TNFRSF1A: variants seen among roughly 807,000 people sequenced by gnomAD.
TNFRSF1A encodes TNF receptor superfamily member 1A.
Under a neutral mutation model 41.6 loss-of-function variants are expected in TNFRSF1A, and 9 were observed. The observed-to-expected ratio is 0.22, with a 90% CI of 0.13 to 0.38. TNFRSF1A has a LOEUF of 0.38. Among genes scored for constraint, TNFRSF1A ranks in the 10% least tolerant of loss-of-function variants. TNFRSF1A has a pLI of 1.00. For synonymous variants in TNFRSF1A, 254 were observed against 248.6 expected, an observed-to-expected ratio of 1.02 and a Z score of -0.21; for missense variants, 463 against 591.5, an observed-to-expected ratio of 0.78 and a Z score of 2.25.
rs1319776286 is a variant in TNFRSF1A at position 6,330,086 on chromosome 12, G to T, written c.769-20C>A. ...CTCCCCCTGAAAGAGAGAAGGTGGCGCAGCATTAGTGCGGCAGCGAAAACC... is the reference window on the plus strand; with the variant it reads ...CTCCCCCTGAAAGAGAGAAGGTGGCTCAGCATTAGTGCGGCAGCGAAAACC... On this transcript the variant is annotated intron_variant, in intron 8 of 9. Coordinates refer to ENST00000162749, the MANE Select transcript of TNFRSF1A (RefSeq NM_001065.4). The T allele has an allele frequency of 6.2e-7, 1 of 1,612,670 alleles. No individual in the cohort carries two copies.
At chr12:6,336,827 G>A (rs1948127100) in intron 1 of TNFRSF1A, among the ~76,000 whole-genome samples, 1 of 152,204 alleles carries the variant, frequency 6.6e-6, no homozygotes, top group African/African-American at 2.4e-5. Context: ...GTCCCAGCAG[G>A]AAGCAAGCCA....
chr12:6,330,028 T>G lies in TNFRSF1A; in HGVS notation c.807A>C (p.Pro269=). 1 of 1,612,350 alleles carries G rather than the reference T, an allele frequency of 6.2e-7. No homozygotes were observed. The highest frequency in any genetic ancestry group is 1.3e-5 in the African/African-American group (1 of 74,974). The change falls in exon 9 of 10, where the codon CCA becomes CCC. Residue 269 remains proline, a synonymous_variant. Transcript: ENST00000162749. ...CTGGAGTGGGACTGAAGCTTGGGTT[T>G]GGGGCCAGGGGCTTAGTAGTAGTTC... The part of the protein sequence containing the change: ...LEGTTTKPLA[P]NPSFSPTPGF...
At position 6,333,454 on chromosome 12, in the gene TNFRSF1A, T is replaced by C; in HGVS notation, c.385A>G (p.Lys129Glu). The change falls in exon 4 of 10, where the codon AAG becomes GAG. Residue 129 changes from lysine (K) to glutamate (E), a missense_variant. Around this residue, in one of 4 missense-constraint regions of TNFRSF1A, gnomAD observed 149 missense variants for 239.4 expected, o/e 0.62. Coordinates refer to ENST00000162749, the MANE Select transcript of TNFRSF1A (RefSeq NM_001065.4). This position sits in a 1 kb window ranked among gnomAD's most constrained non-coding sequence, Gnocchi z 6.3. ...VDRDTVCGCR[K>E]NQYRHYWSEN... is the part of the protein sequence containing the mutation. The stretch of plus-strand genomic sequence containing the variant: ...CTCCAATAATGCCGGTACTGGTTCT[T>C]CCTGCAGCCACACACGGTGTCCCGG... 1 of 1,614,120 alleles carries C rather than the reference T, an allele frequency of 6.2e-7. No homozygotes were observed. Among genetic ancestry groups the C allele is most frequent in the Non-Finnish European group, 8.5e-7 (1 of 1,179,996 alleles).
In TNFRSF1A at chr12:6,328,884, G is replaced by A. The variant is rs1947979857; in HGVS notation, c.*428C>T. The A allele has an allele frequency of 5.8e-6, 1 of 172,742 alleles. No homozygotes were observed. Among genetic ancestry groups the A allele is most frequent in the African/African-American group, 2.4e-5 (1 of 42,342 alleles). 10.7% of individuals were successfully genotyped at this position (172,742 alleles called of 1,614,324 possible). A position where few individuals can be genotyped will look rare whatever the true frequency, so the allele number is the denominator to read the frequency against. On this transcript the variant is annotated 3_prime_UTR_variant, in exon 10 of 10. Transcript: ENST00000162749. ...GTTCAGCTTGCTATGTGCTTGTCCA[G>A]GCAGAGGGCACAGGAGTGCCAAGTT... is the stretch of plus-strand genomic sequence containing the variant.
rs759949685 is a variant in TNFRSF1A at position 6,329,522 on chromosome 12, A to T, written c.1158T>A (p.Asp386Glu). The T allele has an allele frequency of 6.3e-7, 1 of 1,595,010 alleles. No homozygotes were observed. The highest frequency in any genetic ancestry group is 1.3e-5 in the African/African-American group (1 of 74,746). The change falls in exon 10 of 10, where the codon GAT becomes GAA. Residue 386 changes from aspartate to glutamate, a missense_variant. By Grantham distance (45) the Asp-to-Glu change is conservative. This residue lies in a region of TNFRSF1A where 277 missense variants were observed against 288.8 expected (regional missense o/e 0.96). Transcript: ENST00000162749. ...AGCGCCCGTTCTGCAGCTCCAGCCG[A>T]TCGATCTCGTGGTCGCTCAGCCCTA... ...RRLGLSDHEI[D>E]RLELQNGRCL...
Position 6,331,005 on chromosome 12 carries a change from A to G in TNFRSF1A, c.552-79T>C, listed in dbSNP as rs757452978. 37 of 1,205,860 alleles carry G rather than the reference A, an allele frequency of 3.1e-5. No individual in the cohort carries two copies. The Admixed American group carries it at 3.9e-4, about 13-fold the overall frequency. The allele number at this position is 1,205,860 out of a possible 1,614,324, so 74.7% of individuals were successfully genotyped here. A position where few individuals can be genotyped will look rare whatever the true frequency, so the allele number is the denominator to read the frequency against. ...GAAAAACAACCACACAGATTGTTGG[A>G]CATCCTTTCTTTACAAATATTTTTG... On this transcript the variant is annotated intron_variant, in intron 5 of 9. Transcript: ENST00000162749.
In TNFRSF1A at chr12:6,333,154, G is replaced by A; in HGVS notation, c.473-7C>T. 6.2e-7 allele frequency: 1 copy of A among 1,614,064 alleles called. No homozygotes were observed. Among genetic ancestry groups the A allele is most frequent in the Non-Finnish European group, 8.5e-7 (1 of 1,179,928 alleles). ...GTGTTCTGTTTCTCCTGGCCTGTAGGGAGAAGTGCGGCACAGCTAAAGGAG... is the reference window on the plus strand; with the variant it reads ...GTGTTCTGTTTCTCCTGGCCTGTAGAGAGAAGTGCGGCACAGCTAAAGGAG... On this transcript the variant is annotated splice_polypyrimidine_tract_variant and splice_region_variant and intron_variant, in intron 4 of 9. Transcript: ENST00000162749. This position sits in a 1 kb window ranked among gnomAD's most constrained non-coding sequence, Gnocchi z 6.3.
Position 6,329,763 on chromosome 12 carries a change from G to C in TNFRSF1A, c.1057+15C>G. On this transcript the variant is annotated intron_variant, in intron 9 of 9. Transcript: ENST00000162749. ...TCCCCCAGCCTCCTCGTCTCCAGCC[G>C]CGGGAGAAACTCACTGTCTAGGCTC... 2.5e-6 allele frequency: 4 copies of C among 1,594,244 alleles called. No individual in the cohort carries two copies. Among genetic ancestry groups the C allele is most frequent in the Non-Finnish European group, 3.4e-6 (4 of 1,170,658 alleles).
chr12:6,333,280 G>T lies in TNFRSF1A; in HGVS notation c.472+87C>A. 1.3e-6 allele frequency: 2 copies of T among 1,563,560 alleles called. No individual in the cohort carries two copies. On this transcript the variant is annotated intron_variant, in intron 4 of 9. Transcript: ENST00000162749. The surrounding 1 kb of genome is among the most constrained non-coding windows in gnomAD (Gnocchi z 6.3). ...TTGTCAGACCCACAGAATACAGGAG[G>T]GGGAAGGAAAGGAAGTGCCACCGCA...
intron 1 of TNFRSF1A, among the ~76,000 whole-genome samples, chr12:6,336,066 C>G (rs564318306): frequency 1.3e-5 from 2 of 152,306 alleles, no homozygotes; most frequent in East Asian, 3.9e-4. Flanking sequence ...AGTGTGGTTC[C>G]TTTCCCCGAA....
chr12:6,340,979 A>T (rs980274192), intron 1 of TNFRSF1A, among the ~76,000 whole-genome samples: 25 of 152,344 alleles, frequency 1.6e-4, no homozygotes, highest in African/African-American at 6.0e-4. Flanking sequence ...GTCTGTGAGA[A>T]GCAGCGGGGA....
intron 1 of TNFRSF1A, among the ~76,000 whole-genome samples, chr12:6,338,592 TTTTTTG>T (rs1681214900): frequency 6.6e-6 from 1 of 151,746 alleles, no homozygotes; most frequent in Non-Finnish European, 1.5e-5. Context: ...TTTTTTTTTT[TTTTTTG>T]AAACAGGGTC....
chr12:6,330,102 A>G, intron 8 of TNFRSF1A, 36 bp from the exon 9 acceptor site: 1 of 1,612,270 alleles, frequency 6.2e-7, no homozygotes, highest in Non-Finnish European at 8.5e-7. Flanking sequence ...TTAGTGCGGC[A>G]GCGAAAACCA....
intron 1 of TNFRSF1A, among the ~76,000 whole-genome samples, chr12:6,338,927 T>C (rs752981373): frequency 1.1e-4 from 16 of 152,124 alleles, no homozygotes; most frequent in Non-Finnish European, 2.2e-4. Flanking sequence ...ACAGCACCCA[T>C]CTGAGATGCC....
chr12:6,334,279 G>A lies in TNFRSF1A; in HGVS notation c.40-35C>T, dbSNP rs1415767977. ...AATCAGATAGAGGAGACACCATCAA[G>A]AGAGGGAGGGATGGGAAGCTTAGGG... On this transcript the variant is annotated intron_variant, in intron 1 of 9. Transcript: ENST00000162749. The surrounding 1 kb of genome is among the most constrained non-coding windows in gnomAD (Gnocchi z 5.1). 9 of 1,596,510 alleles carry A rather than the reference G, an allele frequency of 5.6e-6. No individual in the cohort carries two copies. The highest frequency in any genetic ancestry group is 7.7e-6 in the Non-Finnish European group (9 of 1,166,778).
In TNFRSF1A at chr12:6,329,582, C is replaced by A; in HGVS notation, c.1098G>T (p.Val366=). The A allele has an allele frequency of 6.3e-7, 1 of 1,592,372 alleles. No individual in the cohort carries two copies. The highest frequency in any genetic ancestry group is 1.1e-5 in the South Asian group (1 of 90,556). The change falls in exon 10 of 10, where the codon GTG becomes GTT. Residue 366 remains valine, a synonymous_variant. Transcript: ENST00000162749. ...CGAATTCCTTCCAGCGCAACGGGGG[C>A]ACGTTCTCCACCACGGCGTACAGCG... is the stretch of plus-strand genomic sequence containing the variant. ...PATLYAVVEN[V]PPLRWKEFVR...
At chr12:6,330,517 C>T (rs573498625) in intron 7 of TNFRSF1A, 81 bp downstream of exon 7, 21 of 1,142,840 alleles carry the variant, frequency 1.8e-5, no homozygotes, top group Admixed American at 3.8e-5. Context: ...TCCTCACCTC[C>T]CTCCACACAT....
intron 1 of TNFRSF1A, among the ~76,000 whole-genome samples, chr12:6,338,822 G>GT (rs902463842): frequency 1.3e-5 from 2 of 152,088 alleles, no homozygotes; most frequent in African/African-American, 4.8e-5. Flanking sequence ...TAGAGACAGG[G>GT]TTTTGCTGTG....
chr12:6,338,551 T>C (rs1010824031), intron 1 of TNFRSF1A, among the ~76,000 whole-genome samples: 1 of 151,156 alleles, frequency 6.6e-6, no homozygotes. Flanking sequence ...ATGGAAATGA[T>C]CTGAAGACTT....
Sources: allele counts gnomAD v4.1 joint callset (sites outside exome capture counted in the v4.1 genomes callset), GRCh38; gene constraint gnomAD v4.1.1; regional missense constraint gnomAD v4.1.1; non-coding constraint Gnocchi (gnomAD v3.1); transcripts MANE v1.5; gene names NCBI Gene and HGNC (gene_info 2026-07-23, HGNC 2026-07-21).